NDUFAF6: variants seen among roughly 807,000 people sequenced by gnomAD.
NDUFAF6 encodes the protein NADH dehydrogenase (ubiquinone) complex I, assembly factor 6.
In NDUFAF6, 45 loss-of-function variants were observed where a neutral mutation model predicts 40.8. That is an observed-to-expected ratio of 1.10 (90% CI 0.87 to 1.42). The LOEUF is 1.42. Ranked by LOEUF, NDUFAF6 falls within the 40% of genes most tolerant of loss-of-function variation. The pLI is 0.00. For synonymous variants in NDUFAF6, 185 were observed against 155.9 expected (o/e 1.19, Z -1.39); for missense variants, 435 against 418.5 (o/e 1.04, Z -0.34).
intron 1 of NDUFAF6, among the ~76,000 whole-genome samples, chr8:94,898,293 G>A (rs1285038079): frequency 4.6e-5 from 7 of 152,122 alleles, no homozygotes; most frequent in African/African-American, 4.8e-5. Flanking sequence ...CTAGGATCTC[G>A]TCCAGGATAC....
At chr8:95,050,205 T>C (rs992576157) in intron 7 of NDUFAF6, among the ~76,000 whole-genome samples, 1 of 152,180 alleles carries the variant, frequency 6.6e-6, no homozygotes, top group African/African-American at 2.4e-5. Context: ...GAAATACCGA[T>C]TCCCAGGCCT....
chr8:94,999,344 G>T (rs574053359), intron 2 of NDUFAF6, among the ~76,000 whole-genome samples: 1 of 152,004 alleles, frequency 6.6e-6, no homozygotes, highest in Non-Finnish European at 1.5e-5. Flanking sequence ...GGATCGTCTC[G>T]ATCTCTTGAC....
At chr8:95,007,659 G>GA (rs771268107) in intron 2 of NDUFAF6, among the ~76,000 whole-genome samples, 2 of 103,788 alleles carry the variant, frequency 1.9e-5, no homozygotes, top group Admixed American at 2.2e-4. Flanking sequence ...GTGAGGCTCT[G>GA]TTTTTTTTTT....
intron 2 of NDUFAF6, among the ~76,000 whole-genome samples, chr8:94,994,422 G>GTGGCTGA (rs1826327386): frequency 6.6e-6 from 1 of 151,996 alleles, no homozygotes; most frequent in Non-Finnish European, 1.5e-5. Flanking sequence ...ATGGTGGCTG[G>GTGGCTGA]CACCTGTATT....
At chr8:95,023,288 C>T (rs981737886), upstream of NDUFAF6, 1 of 152,332 alleles carries the variant, frequency 6.6e-6, no homozygotes, top group African/African-American at 2.4e-5. Context: ...CACCCACCAC[C>T]GGGGTTCTGC....
rs56365274 is a variant in NDUFAF6, at chr8:95,115,058, TAAAA to T, written n.345-464_345-461del. Among the ~76,000 whole-genome samples the T allele has an allele frequency of 2.1e-3, 308 of 148,828 alleles. 2 individuals are homozygous for T. Among genetic ancestry groups the T allele is most frequent in the African/African-American group, 5.9e-3 (240 of 40,614 alleles). ...GCCTGGGGGATAGAGCGAGACTGTTTAAAAAAAAAAAAAAAAAGTGTCTATTGAG... is the reference window on the plus strand; with the variant it reads ...GCCTGGGGGATAGAGCGAGACTGTTTAAAAAAAAAAAAAGTGTCTATTGAG... On this transcript the variant is annotated intron_variant and non_coding_transcript_variant, in intron 4 of 5. Transcript: ENST00000523184.
intron 2 of NDUFAF6, among the ~76,000 whole-genome samples, chr8:95,003,746 C>G (rs1826838257): frequency 6.6e-6 from 1 of 152,208 alleles, no homozygotes; most frequent in Admixed American, 6.6e-5. Flanking sequence ...CAATGCCACA[C>G]TCTCTTGCTT....
chr8:95,016,256 G>C (rs1477577460), intron 2 of NDUFAF6, among the ~76,000 whole-genome samples: 12 of 152,186 alleles, frequency 7.9e-5, no homozygotes, highest in Admixed American at 7.9e-4. Flanking sequence ...GTCTTCAATT[G>C]TTTTGCAATC....
chr8:95,010,234 G>A (rs928544812), intron 2 of NDUFAF6, among the ~76,000 whole-genome samples: 8 of 152,120 alleles, frequency 5.3e-5, no homozygotes, highest in South Asian at 2.1e-4. Flanking sequence ...GAGTACAGGC[G>A]TGTGCTGCCA....
At chr8:95,043,493 G>A (rs1180562374) in intron 4 of NDUFAF6, among the ~76,000 whole-genome samples, 1 of 151,712 alleles carries the variant, frequency 6.6e-6, no homozygotes, top group Non-Finnish European at 1.5e-5. Flanking sequence ...ATCTGATAAG[G>A]GACAATTATC....
At chr8:94,986,828 CAG>C (rs529346425) in intron 2 of NDUFAF6, among the ~76,000 whole-genome samples, 69 of 152,254 alleles carry the variant, frequency 4.5e-4, no homozygotes, top group African/African-American at 1.6e-3. Flanking sequence ...AAGAAAACAC[CAG>C]GGTGGTTAAA....
intron 9 of NDUFAF6, chr8:95,068,221 C>A (rs1460590719): frequency 6.6e-6 from 1 of 151,894 alleles, no homozygotes; most frequent in Non-Finnish European, 1.5e-5. Flanking sequence ...TTCTTACCAC[C>A]TTTCAGCATC....
At chr8:95,074,892 G>C (rs1245105936) in intron 9 of NDUFAF6, among the ~76,000 whole-genome samples, 2 of 152,130 alleles carry the variant, frequency 1.3e-5, no homozygotes, top group South Asian at 2.1e-4. Flanking sequence ...TTATGATTAG[G>C]CTTTGCAAAC....
At chr8:95,025,632 A>G (rs1308311774) in intron 1 of NDUFAF6, among the ~76,000 whole-genome samples, 4 of 152,220 alleles carry the variant, frequency 2.6e-5, no homozygotes, top group Non-Finnish European at 4.4e-5. Flanking sequence ...ATGTAGACCT[A>G]TCATTTAAGG....
intron 1 of NDUFAF6, among the ~76,000 whole-genome samples, chr8:94,910,196 A>G (rs1000830634): frequency 7.9e-5 from 12 of 152,024 alleles, no homozygotes; most frequent in African/African-American, 2.7e-4. Context: ...TCTGTCGCCT[A>G]GGCTGTAGTA....
upstream of NDUFAF6, among the ~76,000 whole-genome samples, chr8:94,955,112 G>A (rs764880896): frequency 7.2e-5 from 11 of 152,186 alleles, no homozygotes; most frequent in Non-Finnish European, 1.3e-4. Flanking sequence ...ATACCAGCTC[G>A]GAGAGACAAT....
At chr8:95,080,360 A>G (rs1417210503), downstream of NDUFAF6, among the ~76,000 whole-genome samples, 1 of 91,528 alleles carries the variant, frequency 1.1e-5, no homozygotes, top group Non-Finnish European at 2.3e-5. Context: ...TTGGTAGTGT[A>G]TTTTTGTAGT....
At chr8:94,955,569 C>A (rs918625117), upstream of NDUFAF6, among the ~76,000 whole-genome samples, 1 of 152,202 alleles carries the variant, frequency 6.6e-6, no homozygotes, top group Non-Finnish European at 1.5e-5. Context: ...AGTATTTTGT[C>A]TCTAATCACC....
At chr8:95,032,606 G>A (rs967282789) in intron 2 of NDUFAF6, among the ~76,000 whole-genome samples, 1 of 152,160 alleles carries the variant, frequency 6.6e-6, no homozygotes, top group Non-Finnish European at 1.5e-5. Flanking sequence ...AGAATGGAAA[G>A]AATATGTACA....
Sources: gnomAD v4.1 joint callset for allele counts (sites outside exome capture counted in the v4.1 genomes callset) on GRCh38, gnomAD v4.1.1 for gene constraint, MANE v1.5 for transcripts, NCBI Gene and HGNC (gene_info 2026-07-23, HGNC 2026-07-21) for gene names.